GPR39: variants seen among roughly 807,000 people sequenced by gnomAD.
GPR39 encodes G protein-coupled receptor 39, also known as zinc sensing receptor.
A neutral mutation model predicts 18.4 loss-of-function variants in GPR39; 23 were observed. The ratio of observed to expected loss-of-function variants is 1.25; its 90% CI spans 0.90 to 1.77. The LOEUF is 1.77. GPR39 is among the 40% of genes most tolerant of loss of function. The pLI is 0.00. For synonymous variants in GPR39, 280 were observed against 257.9 expected, an observed-to-expected ratio of 1.09 and a Z score of -0.82; for missense variants, 647 against 602.4, an observed-to-expected ratio of 1.07 and a Z score of -0.78.
At chr2:132,473,262 A>C (rs550107117) in intron 1 of GPR39, among the ~76,000 whole-genome samples, 2 of 152,328 alleles carry the variant, frequency 1.3e-5, no homozygotes, top group South Asian at 4.1e-4. Context: ...GAAGCTCTAA[A>C]AATGTCACTG....
intron 1 of GPR39, among the ~76,000 whole-genome samples, chr2:132,545,545 C>G (rs1156770659): frequency 1.3e-5 from 2 of 152,156 alleles, no homozygotes; most frequent in African/African-American, 4.8e-5. Context: ...CTTACTAATG[C>G]TAAGAGTGGC....
chr2:132,612,303 C>A (rs1451016363), intron 1 of GPR39, among the ~76,000 whole-genome samples: 1 of 151,982 alleles, frequency 6.6e-6, no homozygotes, highest in Non-Finnish European at 1.5e-5. Flanking sequence ...CCCTCAACAG[C>A]CTCCCCCTCC....
Position 132,417,417 on chromosome 2 carries a change from C to A in GPR39, c.375C>A (p.His125Gln), listed in dbSNP as rs777284133. 3 of 1,614,110 alleles carry A rather than the reference C, an allele frequency of 1.9e-6. No homozygotes were observed. Among genetic ancestry groups the A allele is most frequent in the South Asian group, 2.2e-5 (2 of 91,094 alleles). Residue 125 changes from histidine to glutamine, a missense_variant, in exon 1 of 2, where the codon CAC (histidine) becomes CAA (glutamine). This residue lies in a region of GPR39 where 581 missense variants were observed against 506.8 expected (regional missense o/e 1.15). Transcript: ENST00000329321. ...FEACSYATLL[H>Q]VLTLSFERYI... The stretch of plus-strand genomic sequence containing the variant: ...CCTGCAGCTACGCTACGCTGCTGCA[C>A]GTGCTGACACTCAGCTTTGAGCGCT...
chr2:132,446,351 G>C (rs1180246125), intron 1 of GPR39, among the ~76,000 whole-genome samples: 1 of 152,184 alleles, frequency 6.6e-6, no homozygotes, highest in Non-Finnish European at 1.5e-5. Context: ...TAATGAGAAA[G>C]ACAGACACGC....
chr2:132,544,285 G>T (rs1290408564), intron 1 of GPR39, among the ~76,000 whole-genome samples: 5 of 152,188 alleles, frequency 3.3e-5, no homozygotes, highest in African/African-American at 4.8e-5. Context: ...CTTGGAATTT[G>T]CCTTGAAGGG....
chr2:132,427,128 G>A (rs1323494519), intron 1 of GPR39, among the ~76,000 whole-genome samples: 4 of 27,746 alleles, frequency 1.4e-4, no homozygotes, highest in South Asian at 1.3e-3. Flanking sequence ...ACATATATAG[G>A]TACATATATA....
intron 1 of GPR39, among the ~76,000 whole-genome samples, chr2:132,486,468 C>T (rs1471253269): frequency 1.3e-5 from 2 of 152,232 alleles, no homozygotes; most frequent in Non-Finnish European, 2.9e-5. Flanking sequence ...GTTTCACCTA[C>T]ACTGAAAATT....
chr2:132,517,466 GCATGTGA>G (rs1290148228), intron 1 of GPR39, among the ~76,000 whole-genome samples: 1 of 152,134 alleles, frequency 6.6e-6, no homozygotes, highest in Non-Finnish European at 1.5e-5. Flanking sequence ...GCCCTGTGAA[GCATGTGA>G]CTAGAGCTCT....
chr2:132,423,513 A>G (rs1257471523), intron 1 of GPR39, among the ~76,000 whole-genome samples: 2 of 152,238 alleles, frequency 1.3e-5, no homozygotes, highest in East Asian at 1.9e-4. Context: ...CTCCCCTTCA[A>G]GTTCTTCAAG....
chr2:132,477,762 A>T (rs1681156668), intron 1 of GPR39, among the ~76,000 whole-genome samples: 1 of 152,226 alleles, frequency 6.6e-6, no homozygotes, highest in South Asian at 2.1e-4. Context: ...CAGACCCCTG[A>T]TGCAAAAGGA....
intron 1 of GPR39, among the ~76,000 whole-genome samples, chr2:132,531,315 A>G (rs1444479993): frequency 6.6e-6 from 1 of 152,240 alleles, no homozygotes; most frequent in Admixed American, 6.5e-5. Context: ...TATCCTAAAT[A>G]TATATGCACC....
chr2:132,517,878 T>C (rs771889121), intron 1 of GPR39, among the ~76,000 whole-genome samples: 1 of 152,246 alleles, frequency 6.6e-6, no homozygotes, highest in Non-Finnish European at 1.5e-5. Flanking sequence ...ACACCTATTA[T>C]GGGTGAAGCT....
chr2:132,429,203 G>C (rs1395110792), intron 1 of GPR39, among the ~76,000 whole-genome samples: 1 of 152,196 alleles, frequency 6.6e-6, no homozygotes, highest in Non-Finnish European at 1.5e-5. Flanking sequence ...ATTGAGATTG[G>C]AGCTGGGATC....
At chr2:132,633,065 A>G (rs1681679916) in intron 1 of GPR39, among the ~76,000 whole-genome samples, 1 of 152,230 alleles carries the variant, frequency 6.6e-6, no homozygotes, top group East Asian at 1.9e-4. Flanking sequence ...AATGGGGGGT[A>G]AAGAGGGTAA....
intron 1 of GPR39, among the ~76,000 whole-genome samples, chr2:132,529,495 G>A (rs549396883): frequency 3.9e-5 from 6 of 152,222 alleles, no homozygotes; most frequent in Admixed American, 3.9e-4. Flanking sequence ...TGACAGCTTT[G>A]AAAAGAGTAG....
At chr2:132,431,648 C>T (rs768502309) in intron 1 of GPR39, among the ~76,000 whole-genome samples, 4 of 152,244 alleles carry the variant, frequency 2.6e-5, no homozygotes, top group Non-Finnish European at 5.9e-5. Flanking sequence ...AGTCACCATA[C>T]GCCAGGTGAG....
At chr2:132,470,053 G>A (rs115766006) in intron 1 of GPR39, among the ~76,000 whole-genome samples, 3,114 of 152,210 alleles carry the variant, frequency 0.02, 100 homozygotes, top group African/African-American at 0.07. Flanking sequence ...TACATGAGAC[G>A]GTGTGATGTC....
intron 1 of GPR39, among the ~76,000 whole-genome samples, chr2:132,454,954 T>C (rs11695586): frequency 0.47 from 71,501 of 151,994 alleles, 19,514 homozygotes; most frequent in Non-Finnish European, 0.62. Flanking sequence ...TTTTTTGTTG[T>C]GTCTCTGCCA....
intron 1 of GPR39, among the ~76,000 whole-genome samples, chr2:132,549,304 A>G (rs1001959000): frequency 6.6e-6 from 1 of 152,172 alleles, no homozygotes; most frequent in Non-Finnish European, 1.5e-5. Context: ...AAGCCTGTAC[A>G]TGGTAGGCAT....
Sources: gnomAD v4.1 joint callset for allele counts (sites outside exome capture counted in the v4.1 genomes callset) on GRCh38, gnomAD v4.1.1 for gene constraint, gnomAD v4.1.1 regional missense constraint, MANE v1.5 for transcripts, NCBI Gene and HGNC (gene_info 2026-07-23, HGNC 2026-07-21) for gene names.